CNOT2: variants seen among roughly 807,000 people sequenced by gnomAD.
CNOT2 encodes the protein CCR4-NOT transcription complex subunit 2, also known as CC chemokine receptor 4-negative regulator of transcription 2.
A neutral mutation model predicts 72.1 loss-of-function variants in CNOT2; 7 were observed. That is an observed-to-expected ratio of 0.10 (90% CI 0.06 to 0.18). The LOEUF (loss-of-function observed/expected upper bound fraction) is 0.18. Among genes scored for constraint, CNOT2 ranks in the 10% least tolerant of loss-of-function variants. The pLI is 1.00. For synonymous variants in CNOT2, 196 were observed against 225.6 expected (o/e 0.87, Z 1.17); for missense variants, 345 against 660.3 (o/e 0.52, Z 5.23).
At chr12:70,288,022 G>A (rs1400101502) in intron 2 of CNOT2, among the ~76,000 whole-genome samples, 1 of 149,314 alleles carries the variant, frequency 6.7e-6, no homozygotes, top group Non-Finnish European at 1.5e-5. Context: ...CTTTTTTGTG[G>A]CTATAAATTT....
chr12:70,256,528 A>T (rs1472105699), intron 1 of CNOT2, among the ~76,000 whole-genome samples: 1 of 150,320 alleles, frequency 6.7e-6, no homozygotes, highest in African/African-American at 2.4e-5. Flanking sequence ...CTGGTTTTTA[A>T]ATTTTTATAT....
intron 1 of CNOT2, among the ~76,000 whole-genome samples, chr12:70,257,114 A>G (rs1175935162): frequency 6.6e-6 from 1 of 152,126 alleles, no homozygotes; most frequent in Non-Finnish European, 1.5e-5. Context: ...CTTTAGAAGA[A>G]ATTTCTATAA....
At chr12:70,353,311 G>A (rs564598985) in intron 15 of CNOT2, among the ~76,000 whole-genome samples, 26 of 152,056 alleles carry the variant, frequency 1.7e-4, no homozygotes, top group Middle Eastern at 3.4e-3. Context: ...TCCTGACCTC[G>A]TGATCTGCCC....
At chr12:70,283,094 A>C (rs759078399) in intron 2 of CNOT2, among the ~76,000 whole-genome samples, 2 of 152,188 alleles carry the variant, frequency 1.3e-5, no homozygotes, top group Non-Finnish European at 2.9e-5. Flanking sequence ...TTGTAATTGT[A>C]AATAAACAGT....
intron 1 of CNOT2, among the ~76,000 whole-genome samples, chr12:70,265,962 C>T (rs1593068832): frequency 6.7e-6 from 1 of 148,262 alleles, no homozygotes; most frequent in African/African-American, 2.5e-5. Flanking sequence ...GTGTAATTCT[C>T]TTATAGTCAG....
At chr12:70,322,056 A>C (rs867106139) in intron 4 of CNOT2, 4 of 151,822 alleles carry the variant, frequency 2.6e-5, no homozygotes, top group Admixed American at 6.6e-5. Context: ...AAGTTGCATA[A>C]TGTTTCCTAT....
At chr12:70,342,363 G>A in intron 13 of CNOT2, 56 bp downstream of exon 13, 1 of 1,592,988 alleles carries the variant, frequency 6.3e-7, no homozygotes, top group East Asian at 2.2e-5. Context: ...TTTTTCACAT[G>A]TTTTTCAGTT....
chr12:70,343,359 T>C (rs1441195327), intron 13 of CNOT2, among the ~76,000 whole-genome samples: 1 of 152,220 alleles, frequency 6.6e-6, no homozygotes, highest in Non-Finnish European at 1.5e-5. Flanking sequence ...TTTGGGACAC[T>C]TTTAAGGTTT....
chr12:70,286,215 A>G (rs528373612), intron 2 of CNOT2, among the ~76,000 whole-genome samples: 1 of 149,362 alleles, frequency 6.7e-6, no homozygotes, highest in Admixed American at 6.9e-5. Flanking sequence ...TTACATTCCT[A>G]AGAGGTCTTC....
chr12:70,346,066 T>C, intron 14 of CNOT2, 114 bp from the exon 15 acceptor site: 2 of 641,602 alleles, frequency 3.1e-6, no homozygotes, highest in South Asian at 2.0e-5. Flanking sequence ...GCATTCATAT[T>C]TATTTATTTT....
At chr12:70,288,290 C>T (rs1871270377) in intron 2 of CNOT2, among the ~76,000 whole-genome samples, 2 of 151,874 alleles carry the variant, frequency 1.3e-5, no homozygotes, top group South Asian at 4.2e-4. Flanking sequence ...ATTACAGGCA[C>T]CTGCCACCAT....
chr12:70,328,279 A>G (rs1879393534), intron 4 of CNOT2, among the ~76,000 whole-genome samples: 1 of 151,924 alleles, frequency 6.6e-6, no homozygotes, highest in Admixed American at 6.6e-5. Context: ...TCCTATCCCT[A>G]GGTTAGAAGG....
chr12:70,255,050 T>C lies in CNOT2; in HGVS notation c.-96+11570T>C, dbSNP rs116033402. 1.8e-3 allele frequency among the ~76,000 whole-genome samples: 268 copies of C among 151,396 alleles called. 2 individuals carry two copies. Among genetic ancestry groups the C allele is most frequent in the African/African-American group, 6.1e-3 (252 of 41,310 alleles). On this transcript the variant is annotated intron_variant, in intron 1 of 15. Transcript: ENST00000229195. ...CTTATTGGACTTTGGGAGGGGAGTT[T>C]GGAGAGATTGTGGGAGTGGTAAAAA...
At chr12:70,283,570 A>T (rs373980153) in intron 2 of CNOT2, among the ~76,000 whole-genome samples, 11 of 151,924 alleles carry the variant, frequency 7.2e-5, no homozygotes, top group African/African-American at 2.4e-4. Context: ...CAGAGAAGAA[A>T]AATTGAGTTT....
intron 1 of CNOT2, among the ~76,000 whole-genome samples, chr12:70,261,148 G>C (rs1958732522): frequency 6.6e-6 from 1 of 151,374 alleles, no homozygotes; most frequent in African/African-American, 2.4e-5. Context: ...TCATGTGGTT[G>C]TTCTAATATG....
chr12:70,251,016 G>C (rs1345310851), intron 1 of CNOT2, among the ~76,000 whole-genome samples: 1 of 152,056 alleles, frequency 6.6e-6, no homozygotes, highest in African/African-American at 2.4e-5. Flanking sequence ...GTTGAGGGGT[G>C]GTCTGTCTGG....
chr12:70,243,563 G>T lies in CNOT2; in HGVS notation c.-96+83G>T, dbSNP rs28364701. Reference sequence around the variant, plus strand: ...GATTCGGGGCCCCCGCAAGGCGGGGGAATGCCCCGGGGCCGGTCCGGTCGC... The same window carrying T: ...GATTCGGGGCCCCCGCAAGGCGGGGTAATGCCCCGGGGCCGGTCCGGTCGC... On this transcript the variant is annotated intron_variant, in intron 1 of 15. Transcript: ENST00000229195. 11,565 of 152,414 alleles carry T rather than the reference G, an allele frequency of 0.076. 556 individuals are homozygous for T. The highest frequency in any genetic ancestry group is 0.15 in the Admixed American group (2,240 of 15,256). The allele number at this position is 152,414 out of a possible 1,614,324, so 9.4% of individuals were successfully genotyped here.
intron 1 of CNOT2, among the ~76,000 whole-genome samples, chr12:70,273,947 T>C (rs933678434): frequency 6.6e-6 from 1 of 152,070 alleles, no homozygotes; most frequent in Non-Finnish European, 1.5e-5. Context: ...GCAAATTCAT[T>C]TCAATAGATT....
chr12:70,303,005 T>G (rs1214837409), intron 2 of CNOT2, among the ~76,000 whole-genome samples: 11 of 140,206 alleles, frequency 7.8e-5, no homozygotes, highest in African/African-American at 2.9e-4. Context: ...TTTGTTGGTT[T>G]AAAGTCTGTT....
Sources: allele counts gnomAD v4.1 joint callset (sites outside exome capture counted in the v4.1 genomes callset), GRCh38; gene constraint gnomAD v4.1.1; transcripts MANE v1.5; gene names NCBI Gene and HGNC (gene_info 2026-07-23, HGNC 2026-07-21).